Variants in C5 observed in about 807,000 individuals in gnomAD.
C5 encodes the protein complement C5, also known as C3 and PZP-like alpha-2-macroglobulin domain-containing protein 4.
In C5, 140 loss-of-function variants were observed where a neutral mutation model predicts 218.8. The ratio of observed to expected loss-of-function variants is 0.64; its 90% CI spans 0.56 to 0.74. C5 has a LOEUF of 0.74. C5 is among the 30% of genes least tolerant of loss of function. The pLI is 0.00. For missense variants in C5, 1,700 were observed against 1,969.6 expected (o/e 0.86, Z 2.59); for synonymous variants, 614 against 682.3 (o/e 0.90, Z 1.56).
intron 9 of C5, among the ~76,000 whole-genome samples, chr9:121,024,033 C>A: frequency 6.7e-6 from 1 of 150,088 alleles, no homozygotes; most frequent in Non-Finnish European, 1.5e-5. Flanking sequence ...CATGGTGAAA[C>A]CTCATCCCTA....
chr9:121,050,818 CAG>C, upstream of C5, among the ~76,000 whole-genome samples: 1 of 152,272 alleles, frequency 6.6e-6, no homozygotes, highest in East Asian at 1.9e-4. Flanking sequence ...TGGTCTGTCT[CAG>C]TCTAGAGAAC....
chr9:120,995,558 G>A (rs2131721001), intron 22 of C5, among the ~76,000 whole-genome samples: 1 of 152,134 alleles, frequency 6.6e-6, no homozygotes, highest in Admixed American at 6.5e-5. Context: ...GCATTATTAT[G>A]TTTTCAAATA....
chr9:120,957,399 T>G (rs754371294), intron 38 of C5, 31 bp from the exon 39 acceptor site: 1 of 1,510,448 alleles, frequency 6.6e-7, no homozygotes, highest in Non-Finnish European at 9.2e-7. Context: ...ATGAAACAAT[T>G]CAGTCTTAAT....
At chr9:121,049,268 G>C (rs2047653778) in intron 1 of C5, among the ~76,000 whole-genome samples, 1 of 152,120 alleles carries the variant, frequency 6.6e-6, no homozygotes, top group Non-Finnish European at 1.5e-5. Context: ...ATGGAACCCA[G>C]GTCCTAGCCC....
intron 31 of C5, among the ~76,000 whole-genome samples, chr9:120,970,777 C>T (rs2046905754): frequency 6.6e-6 from 1 of 152,192 alleles, no homozygotes; most frequent in Non-Finnish European, 1.5e-5. Flanking sequence ...AATGAATGCA[C>T]TAAAGATAAG....
intron 34 of C5, among the ~76,000 whole-genome samples, 158 bp downstream of exon 34, chr9:120,963,478 G>A (rs2131670957): frequency 6.6e-6 from 1 of 151,702 alleles, no homozygotes; most frequent in Middle Eastern, 3.4e-3. Context: ...ACTCCAGCCT[G>A]GGCAACAAGA....
At chr9:121,036,749 T>C (rs150304438) in intron 4 of C5, among the ~76,000 whole-genome samples, 2 of 152,346 alleles carry the variant, frequency 1.3e-5, no homozygotes, top group East Asian at 1.9e-4. Context: ...TCACCTCTCA[T>C]TGGTCTTCCC....
At chr9:120,956,223 A>G (rs2131661777) in intron 39 of C5, among the ~76,000 whole-genome samples, 1 of 152,210 alleles carries the variant, frequency 6.6e-6, no homozygotes, top group South Asian at 2.1e-4. Context: ...GAACCTGGGA[A>G]ACAGAGTTTG....
At chr9:121,006,801 G>A (rs1297254997) in intron 19 of C5, 103 bp downstream of exon 19, 2 of 800,420 alleles carry the variant, frequency 2.5e-6, no homozygotes, top group Non-Finnish European at 4.3e-6. Flanking sequence ...TTTAAAAATT[G>A]CTACCATTTA....
intron 38 of C5, among the ~76,000 whole-genome samples, chr9:120,959,869 AG>A (rs1315972320): frequency 2.6e-5 from 4 of 152,210 alleles, no homozygotes; most frequent in East Asian, 3.9e-4. Context: ...TTAAAAACCA[AG>A]CCCCCTAAAT....
chr9:120,958,287 C>T (rs147342383), intron 38 of C5, among the ~76,000 whole-genome samples: 1 of 152,174 alleles, frequency 6.6e-6, no homozygotes, highest in Admixed American at 6.5e-5. Context: ...GGCCTGGGTA[C>T]AGAGAGAGAA....
chr9:121,072,523 T>A, the C5 span, among the ~76,000 whole-genome samples: 1 of 152,038 alleles, frequency 6.6e-6, no homozygotes, highest in Admixed American at 6.6e-5. Context: ...GAATGTAATC[T>A]CGGCAGGGCG....
rs371105398 is a variant in C5, at chr9:121,013,949, A to T, written c.2181T>A (p.Ala727=). The T allele has an allele frequency of 6.2e-7, 1 of 1,614,068 alleles. No individual in the cohort carries two copies. Residue 727 remains alanine (A), a synonymous_variant, in exon 17 of 41, where the codon GCT becomes GCA. Transcript: ENST00000223642. ...TTGCGACGACACAACATTCAGTGAA[A>T]GCTTTGATGCATCTTGGCCCTAAAC... ...RISLGPRCIK[A]FTECCVVASQ...
At chr9:121,030,618 A>AATC (rs993145219) in intron 6 of C5, 131 bp from the exon 7 acceptor site, 1 of 600,430 alleles carries the variant, frequency 1.7e-6, no homozygotes, top group Non-Finnish European at 3.0e-6. Flanking sequence ...TTATTATCAT[A>AATC]ATCATCATCG....
rs770857311 is a variant in C5, at chr9:120,980,159, A to C, written c.3582T>G (p.Ala1194=). Residue 1194 remains alanine (A), a synonymous_variant, in exon 28 of 41, where the codon GCT becomes GCG. Coordinates refer to ENST00000223642, the MANE Select transcript of C5 (RefSeq NM_001735.3). ...STFTLAISAY[A]LSLGDKTHPQ... ...GGTGAGTTTTATCTCCCAGGGAAAG[A>C]GCATACGCAGAAATGGCCAATGTAA... 1.2e-6 allele frequency: 2 copies of C among 1,614,132 alleles called. No homozygotes were observed. Among genetic ancestry groups the C allele is most frequent in the South Asian group, 1.1e-5 (1 of 91,076 alleles).
intron 28 of C5, among the ~76,000 whole-genome samples, 167 bp downstream of exon 28, chr9:120,979,916 A>G (rs1300349751): frequency 6.6e-6 from 1 of 152,150 alleles, no homozygotes; most frequent in East Asian, 1.9e-4. Flanking sequence ...GAATGCATGA[A>G]TAAATGAATG....
intron 7 of C5, among the ~76,000 whole-genome samples, chr9:121,029,439 G>A (rs544813889): frequency 6.6e-6 from 1 of 152,238 alleles, no homozygotes; most frequent in East Asian, 1.9e-4. Flanking sequence ...TTGTAACATG[G>A]GAATAGTAAC....
chr9:121,052,879 C>A (rs2047679536), upstream of C5, among the ~76,000 whole-genome samples: 1 of 152,172 alleles, frequency 6.6e-6, no homozygotes. Context: ...TTAATACAAA[C>A]TACAGAACTC....
upstream of C5, among the ~76,000 whole-genome samples, chr9:121,051,001 C>T (rs905259958): frequency 1.3e-5 from 2 of 151,870 alleles, no homozygotes; most frequent in African/African-American, 4.8e-5. Context: ...AAAGAAAACA[C>T]ATGTTATACT....
Sources: allele counts gnomAD v4.1 joint callset (sites outside exome capture counted in the v4.1 genomes callset), GRCh38; gene constraint gnomAD v4.1.1; transcripts MANE v1.5; gene names NCBI Gene and HGNC (gene_info 2026-07-23, HGNC 2026-07-21).